The following PMS1 variants were observed in gnomAD, a reference collection of about 807,000 sequenced individuals.
PMS1 encodes PMS1 protein homolog 1.
A neutral mutation model predicts 93.1 loss-of-function variants in PMS1; 79 were observed. The observed-to-expected ratio is 0.85, with a 90% CI of 0.71 to 1.02. PMS1 has a LOEUF of 1.02. PMS1 is among the 50% of genes least tolerant of loss of function. The pLI, the probability that PMS1 is intolerant of heterozygous loss-of-function variation, is 0.00. For missense variants in PMS1, 1,064 were observed against 1,085.3 expected (o/e 0.98, Z 0.28); for synonymous variants, 335 against 363.4 (o/e 0.92, Z 0.89).
chr2:189,849,200 TC>T (rs2054493656), intron 6 of PMS1, among the ~76,000 whole-genome samples: 1 of 152,164 alleles, frequency 6.6e-6, no homozygotes, highest in Non-Finnish European at 1.5e-5. Flanking sequence ...GTGAGGCATT[TC>T]CCATCGTGAC....
intron 5 of PMS1, among the ~76,000 whole-genome samples, chr2:189,821,522 G>T (rs548033966): frequency 1.4e-5 from 2 of 147,314 alleles, no homozygotes; most frequent in East Asian, 4.2e-4. Flanking sequence ...AATATAATAA[G>T]TGAAGGCTGG....
intron 5 of PMS1, among the ~76,000 whole-genome samples, chr2:189,822,261 G>T (rs763221733): frequency 6.6e-6 from 1 of 152,174 alleles, no homozygotes; most frequent in Non-Finnish European, 1.5e-5. Flanking sequence ...TAGGAGCACC[G>T]ACTGCGGGGC....
chr2:189,871,232 T>C (rs1286151793), intron 11 of PMS1, among the ~76,000 whole-genome samples: 1 of 152,180 alleles, frequency 6.6e-6, no homozygotes, highest in Non-Finnish European at 1.5e-5. Context: ...TGTCCAATCT[T>C]TTGGCTTCCC....
At chr2:189,835,554 A>G (rs1192881088) in intron 5 of PMS1, among the ~76,000 whole-genome samples, 5 of 152,196 alleles carry the variant, frequency 3.3e-5, no homozygotes, top group Non-Finnish European at 7.3e-5. Context: ...CAGTGCAAGT[A>G]CATACGCAGG....
chr2:189,815,291 T>C (rs1022488440), intron 4 of PMS1, among the ~76,000 whole-genome samples: 1 of 152,104 alleles, frequency 6.6e-6, no homozygotes, highest in Non-Finnish European at 1.5e-5. Context: ...TAAGCTTTAA[T>C]TCCCACCCCT....
chr2:189,834,805 C>A (rs1038754182), intron 5 of PMS1, among the ~76,000 whole-genome samples: 2 of 152,014 alleles, frequency 1.3e-5, no homozygotes, highest in Non-Finnish European at 2.9e-5. Flanking sequence ...TCATAGCTCA[C>A]TTCAGCCTCA....
At chr2:189,853,517 TTTC>T (rs1431014373) in intron 7 of PMS1, among the ~76,000 whole-genome samples, 1 of 143,460 alleles carries the variant, frequency 7.0e-6, no homozygotes, top group Non-Finnish European at 1.5e-5. Flanking sequence ...TTTCTTTTCT[TTTC>T]TTTTTTTTTT....
intron 5 of PMS1, among the ~76,000 whole-genome samples, chr2:189,821,600 G>A (rs1273933754): frequency 6.6e-6 from 1 of 152,186 alleles, no homozygotes; most frequent in Non-Finnish European, 1.5e-5. Context: ...CCTGAGGTCA[G>A]GAGTTGGAGA....
At chr2:189,805,200 T>C (rs1004593412) in intron 3 of PMS1, among the ~76,000 whole-genome samples, 1 of 151,952 alleles carries the variant, frequency 6.6e-6, no homozygotes, top group Non-Finnish European at 1.5e-5. Context: ...TGGACCATAA[T>C]CTTGAAATAC....
intron 6 of PMS1, 48 bp downstream of exon 6, chr2:189,844,128 T>A (rs762496160): frequency 9.9e-6 from 16 of 1,609,202 alleles, no homozygotes; most frequent in Non-Finnish European, 1.4e-5. Context: ...CTCATGAAGC[T>A]GTTCACATAT....
At chr2:189,802,126 G>A (rs1246506860) in intron 3 of PMS1, among the ~76,000 whole-genome samples, 1 of 151,918 alleles carries the variant, frequency 6.6e-6, no homozygotes, top group Non-Finnish European at 1.5e-5. Flanking sequence ...CATTTAAATG[G>A]TTACAGTGTA....
At chr2:189,797,165 C>G (rs1193115875) in intron 3 of PMS1, among the ~76,000 whole-genome samples, 1 of 152,166 alleles carries the variant, frequency 6.6e-6, no homozygotes, top group Non-Finnish European at 1.5e-5. Context: ...GTGGACTACA[C>G]TTTAGAAATA....
intron 7 of PMS1, 66 bp from the exon 8 acceptor site, chr2:189,853,873 G>T: frequency 1.0e-6 from 1 of 999,672 alleles, no homozygotes; most frequent in Non-Finnish European, 1.5e-6. Context: ...AGTTGAATTT[G>T]CTGGGTTTTA....
rs188448473 is a variant in PMS1, at chr2:189,864,513, G to A, written c.2342+285G>A. On this transcript the variant is annotated intron_variant, in intron 10 of 12. Transcript: ENST00000441310. ...TCTACTAAAAATACAAAAGTTAGCC[G>A]GGTGTGATGGCACGCACCTGTAGTC... Among the ~76,000 whole-genome samples, 232 of 148,088 alleles carry A rather than the reference G, an allele frequency of 1.6e-3. 2 individuals are homozygous for A. In the Middle Eastern group the frequency reaches 0.034, roughly 22 times the overall value.
At chr2:189,858,604 T>C (rs2055612554) in intron 9 of PMS1, among the ~76,000 whole-genome samples, 2 of 152,132 alleles carry the variant, frequency 1.3e-5, no homozygotes. Flanking sequence ...TAATTACAAA[T>C]GGGGACCTTT....
At chr2:189,797,681 CTTG>C (rs933146154) in intron 3 of PMS1, among the ~76,000 whole-genome samples, 38 of 152,156 alleles carry the variant, frequency 2.5e-4, no homozygotes, top group African/African-American at 8.7e-4. Context: ...GGACTTCATA[CTTG>C]TTGTTCTGGA....
chr2:189,837,688 A>G (rs2053504787), intron 5 of PMS1, among the ~76,000 whole-genome samples: 1 of 152,198 alleles, frequency 6.6e-6, no homozygotes, highest in African/African-American at 2.4e-5. Flanking sequence ...TCATAGATCT[A>G]TACCCAAGAG....
chr2:189,854,357 A>C lies in PMS1; in HGVS notation c.1085A>C (p.Lys362Thr). 6.2e-7 allele frequency: 1 copy of C among 1,601,172 alleles called. No individual in the cohort carries two copies. Among genetic ancestry groups the C allele is most frequent in the Non-Finnish European group, 8.5e-7 (1 of 1,173,096 alleles). Reference sequence around the variant, plus strand: ...TCCGCAGCTGACATCGTTCTTAGTAAAACAGCAGAAACAGATGTGCTTTTT... The same window carrying C: ...TCCGCAGCTGACATCGTTCTTAGTACAACAGCAGAAACAGATGTGCTTTTT... ...DVSAADIVLS[K>T]TAETDVLFNK... Residue 362 changes from lysine (K) to threonine (T), a missense_variant, in exon 9 of 13, where the codon AAA becomes ACA. By Grantham distance (78) the Lys-to-Thr change is moderately conservative. Coordinates refer to ENST00000441310, the MANE Select transcript of PMS1 (RefSeq NM_000534.5).
intron 5 of PMS1, among the ~76,000 whole-genome samples, chr2:189,830,926 TCAC>T (rs1275141719): frequency 3.9e-5 from 6 of 152,308 alleles, no homozygotes; most frequent in Non-Finnish European, 8.8e-5. Context: ...TTCTAGAAAG[TCAC>T]CAAAAAGGGA....
Sources: allele counts gnomAD v4.1 joint callset (sites outside exome capture counted in the v4.1 genomes callset), GRCh38; gene constraint gnomAD v4.1.1; transcripts MANE v1.5; gene names NCBI Gene and HGNC (gene_info 2026-07-23, HGNC 2026-07-21).